Variants in FAM83F observed in about 807,000 individuals in gnomAD.
The protein encoded by FAM83F is scaffolding CK1 anchoring protein F, also known as protein FAM83F.
In FAM83F, 45 loss-of-function variants were observed where a neutral mutation model predicts 42.9. The ratio of observed to expected loss-of-function variants is 1.05; its 90% CI spans 0.83 to 1.35. The LOEUF (loss-of-function observed/expected upper bound fraction) is 1.35. FAM83F is among the 40% of genes most tolerant of loss of function. The pLI, the probability that FAM83F is intolerant of heterozygous loss-of-function variation, is 0.00. For synonymous variants in FAM83F, 306 were observed against 298.3 expected (o/e 1.03, Z -0.27); for missense variants, 617 against 695.9 (o/e 0.89, Z 1.28).
rs920985149 is a variant in FAM83F at position 40,034,217 on chromosome 22, T to A, written c.*4652T>A. On this transcript the variant is annotated 3_prime_UTR_variant, in exon 5 of 5. Transcript: ENST00000333407. The stretch of plus-strand genomic sequence containing the variant: ...TGCCGTGCGCTAGGGATGCAATTTC[T>A]CATCTGGCAGTGCGCCACACTCCTG... 1 of 152,388 alleles carries A rather than the reference T, an allele frequency of 6.6e-6. No homozygotes were observed. The highest frequency in any genetic ancestry group is 2.1e-4 in the South Asian group (1 of 4,830). The allele number at this position is 152,388 out of a possible 1,614,324, so 9.4% of individuals were successfully genotyped here. A position where few individuals can be genotyped will look rare whatever the true frequency, so the allele number is the denominator to read the frequency against.
In FAM83F at chr22:40,042,877, G is replaced by C. The variant is rs1408451796; in HGVS notation, c.*13312G>C. 1 of 152,180 alleles carries C rather than the reference G, an allele frequency of 6.6e-6. No homozygotes were observed. The highest frequency in any genetic ancestry group is 2.4e-5 in the African/African-American group (1 of 41,440). The allele number at this position is 152,180 out of a possible 1,614,324, so 9.4% of individuals were successfully genotyped here. On this transcript the variant is annotated 3_prime_UTR_variant, in exon 5 of 5. Coordinates refer to ENST00000333407, the MANE Select transcript of FAM83F (RefSeq NM_138435.4). Reference sequence around the variant, plus strand: ...GCAACCAACTTTGAAGATTAGGAAGGTTTTAGATTCTGAATGTTTCTCATT... The same window carrying C: ...GCAACCAACTTTGAAGATTAGGAAGCTTTTAGATTCTGAATGTTTCTCATT...
chr22:40,022,955 C>T (rs1266262529), intron 4 of FAM83F, among the ~76,000 whole-genome samples: 1 of 152,226 alleles, frequency 6.6e-6, no homozygotes, highest in African/African-American at 2.4e-5. Context: ...CTGCTAATTC[C>T]CCAGCACTGC....
At chr22:40,006,416 C>T (rs1396048654) in intron 1 of FAM83F, among the ~76,000 whole-genome samples, 1 of 152,172 alleles carries the variant, frequency 6.6e-6, no homozygotes, top group Non-Finnish European at 1.5e-5. Context: ...GATGGGGAGA[C>T]ACCCTCATGT....
chr22:40,021,100 A>C lies in FAM83F; in HGVS notation c.780-190A>C, dbSNP rs377264334. ...CCTGCACCCACTGCCTGCTTGCTTC[A>C]TTTGAGGCCAAGCTCTGGGGAAAGG... On this transcript the variant is annotated intron_variant, in intron 3 of 4. Coordinates refer to ENST00000333407, the MANE Select transcript of FAM83F (RefSeq NM_138435.4). This position sits in a 1 kb window ranked among gnomAD's most constrained non-coding sequence, Gnocchi z 8.7. Among the ~76,000 whole-genome samples the C allele has an allele frequency of 2.0e-4, 30 of 152,160 alleles. No individual in the cohort carries two copies. Among genetic ancestry groups the C allele is most frequent in the African/African-American group, 7.2e-4 (30 of 41,446 alleles).
At position 40,021,413 on chromosome 22, in the gene FAM83F, C is replaced by T. The variant is rs2067520145; in HGVS notation, c.903C>T (p.Tyr301=). Residue 301 remains tyrosine, a synonymous_variant, in exon 4 of 5, where the codon TAC becomes TAT. Transcript: ENST00000333407. This position sits in a 1 kb window ranked among gnomAD's most constrained non-coding sequence, Gnocchi z 8.7. The part of the protein sequence containing the change: ...LYAISEEVDL[Y]RQLSLAGRVG... The stretch of plus-strand genomic sequence containing the variant: ...CCATCTCCGAGGAGGTGGACTTGTA[C>T]CGGCAGCTGAGCCTGGCGGGCAGGG... The T allele has an allele frequency of 6.2e-7, 1 of 1,613,546 alleles. No homozygotes were observed.
rs1479476861 is a variant in FAM83F, at chr22:40,029,504, T to C, written c.1454-12T>C. Reference sequence around the variant, plus strand: ...TTACATCCTTCCCCGCCTCTGTCCCTTGCCTCTGCAGGTAAAACAAGTCCC... The same window carrying C: ...TTACATCCTTCCCCGCCTCTGTCCCCTGCCTCTGCAGGTAAAACAAGTCCC... On this transcript the variant is annotated splice_polypyrimidine_tract_variant and intron_variant, in intron 4 of 4. Transcript: ENST00000333407. 1.2e-6 allele frequency: 2 copies of C among 1,610,328 alleles called. No individual in the cohort carries two copies. The highest frequency in any genetic ancestry group is 1.7e-6 in the Non-Finnish European group (2 of 1,178,348).
In FAM83F at chr22:40,035,565, G is replaced by T. The variant is rs576870609; in HGVS notation, c.*6000G>T. 1 of 152,402 alleles carries T rather than the reference G, an allele frequency of 6.6e-6. No homozygotes were observed. The highest frequency in any genetic ancestry group is 1.5e-5 in the Non-Finnish European group (1 of 68,084). The allele number at this position is 152,402 out of a possible 1,614,324, so 9.4% of individuals were successfully genotyped here. ...TGGGTGCCCGGCCTGGGGATCCATG[G>T]TGAGCGAGGAAGGCATGGTATTGAA... On this transcript the variant is annotated 3_prime_UTR_variant, in exon 5 of 5. Coordinates refer to ENST00000333407, the MANE Select transcript of FAM83F (RefSeq NM_138435.4).
Position 40,018,960 on chromosome 22 carries a change from A to G in FAM83F, c.490-208A>G, listed in dbSNP as rs7289566. 2.0e-3 allele frequency among the ~76,000 whole-genome samples: 305 copies of G among 152,292 alleles called. 1 individual carries two copies. Among genetic ancestry groups the G allele is most frequent in the African/African-American group, 7.0e-3 (290 of 41,546 alleles). On this transcript the variant is annotated intron_variant, in intron 1 of 4. Transcript: ENST00000333407. ...GGTGGGGATTTGTCCAGGATGAAGT[A>G]CAAGCACACGGCCTGCACCCCCAGG... is the stretch of plus-strand genomic sequence containing the variant.
Position 40,029,582 on chromosome 22 carries a change from G to A in FAM83F, c.*17G>A. On this transcript the variant is annotated 3_prime_UTR_variant, in exon 5 of 5. Coordinates refer to ENST00000333407, the MANE Select transcript of FAM83F (RefSeq NM_138435.4). ...ATTTCCTGAGCTGCGGGATGGTGGT[G>A]GGCAGGACGTGTGGATGCCTGCCTG... is the stretch of plus-strand genomic sequence containing the variant. 6.2e-7 allele frequency: 1 copy of A among 1,609,494 alleles called. No homozygotes were observed. Among genetic ancestry groups the A allele is most frequent in the South Asian group, 1.1e-5 (1 of 89,866 alleles).
rs554354879 is a variant in FAM83F, at chr22:40,006,375, G to T, written c.489+10844G>T. On this transcript the variant is annotated intron_variant, in intron 1 of 4. Coordinates refer to ENST00000333407, the MANE Select transcript of FAM83F (RefSeq NM_138435.4). ...TGGAGGCATTCTGTTTAGATCGATG[G>T]CAGGGCTCTGTCCCCCACCCCTCCT... 3.7e-4 allele frequency among the ~76,000 whole-genome samples: 56 copies of T among 152,348 alleles called. 1 individual carries two copies. The highest frequency in any genetic ancestry group is 3.4e-3 in the Middle Eastern group (1 of 294).
At chr22:40,002,033 G>T (rs117912419) in intron 1 of FAM83F, among the ~76,000 whole-genome samples, 1 of 151,060 alleles carries the variant, frequency 6.6e-6, no homozygotes, top group African/African-American at 2.5e-5. Context: ...GCTTTCTGCC[G>T]GCCTCCGAGC....
chr22:40,003,141 C>T (rs922231559), intron 1 of FAM83F, among the ~76,000 whole-genome samples: 1 of 152,198 alleles, frequency 6.6e-6, no homozygotes, highest in African/African-American at 2.4e-5. Context: ...AAGTACACAA[C>T]TGCCAGCTGG....
At position 40,019,252 on chromosome 22, in the gene FAM83F, G is replaced by A; in HGVS notation, c.574G>A (p.Val192Met). 1.2e-6 allele frequency: 2 copies of A among 1,614,210 alleles called. No individual in the cohort carries two copies. Among genetic ancestry groups the A allele is most frequent in the Non-Finnish European group, 1.7e-6 (2 of 1,180,038 alleles). Residue 192 changes from valine to methionine, a missense_variant, in exon 2 of 5, where the codon GTG becomes ATG. By Grantham distance (21) the Val-to-Met change is conservative. Transcript: ENST00000333407. The part of the protein sequence containing the change: ...VDAACKRRVP[V>M]YIILDEAGVK... The stretch of plus-strand genomic sequence containing the variant: ...TGCTGCCTGTAAGCGCCGGGTCCCA[G>A]TGTACATCATCCTGGACGAGGCAGG...
chr22:40,000,515 C>A (rs1018861109), intron 1 of FAM83F, among the ~76,000 whole-genome samples: 3 of 152,184 alleles, frequency 2.0e-5, no homozygotes, highest in Non-Finnish European at 4.4e-5. Context: ...AATGACGTTT[C>A]CCTCATTCAG....
Position 39,995,411 on chromosome 22 carries a change from G to T in FAM83F, c.369G>T (p.Trp123Cys). The change falls in exon 1 of 5, where the codon TGG becomes TGT. Residue 123 changes from tryptophan (W) to cysteine (C), a missense_variant. Trp to Cys is a radical substitution (Grantham distance 215, BLOSUM62 -2). Transcript: ENST00000333407. The surrounding 1 kb of genome is among the most constrained non-coding windows in gnomAD (Gnocchi z 4.6). ...AGGTGCCTCCTCTGGACCTGGGCTG[G>T]ACGGACACTGGTTTCTACCGCGGCG... ...DTEVPPLDLG[W>C]TDTGFYRGVS... The T allele has an allele frequency of 2.6e-6, 4 of 1,550,182 alleles. No homozygotes were observed. Among genetic ancestry groups the T allele is most frequent in the Non-Finnish European group, 3.5e-6 (4 of 1,147,116 alleles).
chr22:40,027,545 C>T (rs1874418058), intron 4 of FAM83F, among the ~76,000 whole-genome samples: 1 of 152,196 alleles, frequency 6.6e-6, no homozygotes, highest in Non-Finnish European at 1.5e-5. Flanking sequence ...CTATTCTGGT[C>T]ATTTATACAC....
chr22:40,024,055 A>C (rs909004722), intron 4 of FAM83F, among the ~76,000 whole-genome samples: 1 of 152,128 alleles, frequency 6.6e-6, no homozygotes, highest in Non-Finnish European at 1.5e-5. Flanking sequence ...GCTGGAGTGC[A>C]GTGGTGCGAC....
intron 1 of FAM83F, among the ~76,000 whole-genome samples, chr22:40,007,384 TCTCCTCTTCCTCTCCTC>T: frequency 1.2e-5 from 1 of 83,208 alleles, no homozygotes; most frequent in Non-Finnish European, 2.5e-5. Flanking sequence ...CTCCTCCTCC[TCTCCTCTTCCTCTCCTC>T]CTCCTCTTCC....
Position 39,995,135 on chromosome 22 carries a change from G to T in FAM83F, c.93G>T (p.Arg31=). ...AQAAFYYCER[R]RAALEALLGG... ...CCGCCTTCTACTACTGCGAGCGGCG[G>T]CGGGCCGCGCTGGAGGCGCTGCTGG... Residue 31 remains arginine, a synonymous_variant, in exon 1 of 5, where the codon CGG becomes CGT. Transcript: ENST00000333407. This position sits in a 1 kb window ranked among gnomAD's most constrained non-coding sequence, Gnocchi z 4.6. The T allele has an allele frequency of 1.5e-6, 2 of 1,374,254 alleles. No individual in the cohort carries two copies. Among genetic ancestry groups the T allele is most frequent in the Non-Finnish European group, 1.9e-6 (2 of 1,073,242 alleles). The allele number at this position is 1,374,254 out of a possible 1,614,324, so 85.1% of individuals were successfully genotyped here. A position where few individuals can be genotyped will look rare whatever the true frequency, so the allele number is the denominator to read the frequency against.
Sources: allele counts gnomAD v4.1 joint callset (sites outside exome capture counted in the v4.1 genomes callset), GRCh38; gene constraint gnomAD v4.1.1; non-coding constraint Gnocchi (gnomAD v3.1); transcripts MANE v1.5; gene names NCBI Gene and HGNC (gene_info 2026-07-23, HGNC 2026-07-21).